Variants in TRIM38 observed in about 807,000 individuals in gnomAD.
TRIM38 encodes the protein tripartite motif containing 38.
TRIM38 carries 35 observed loss-of-function variants against 35.8 expected under a neutral mutation model. The observed-to-expected ratio is 0.98, with a 90% confidence interval of 0.75 to 1.30. TRIM38 has a LOEUF of 1.30. TRIM38 is among the 50% of genes most tolerant of loss of function. The pLI is 0.00. For missense variants in TRIM38, 545 were observed against 556.9 expected (o/e 0.98, Z 0.21); for synonymous variants, 198 against 204.7 (o/e 0.97, Z 0.28).
In TRIM38 at chr6:25,969,434, T is replaced by C. The variant is rs1226625954; in HGVS notation, c.507+14T>C. 6.3e-7 allele frequency: 1 copy of C among 1,593,794 alleles called. No homozygotes were observed. Among genetic ancestry groups the C allele is most frequent in the Non-Finnish European group, 8.6e-7 (1 of 1,167,606 alleles). On this transcript the variant is annotated intron_variant, in intron 4 of 7. Transcript: ENST00000357085. The stretch of plus-strand genomic sequence containing the variant: ...ACTAAATGGAAAGTAAGAATCTGAC[T>C]TCATTGATCTCAAGCTATTTTCCAT...
At position 25,972,008 on chromosome 6, in the gene TRIM38, AG is replaced by A; in HGVS notation, c.649del (p.Ala217LeufsTer5). 6.2e-7 allele frequency: 1 copy of A among 1,614,148 alleles called. No individual in the cohort carries two copies. Among genetic ancestry groups the A allele is most frequent in the Non-Finnish European group, 8.5e-7 (1 of 1,180,016 alleles). ...QQTLSRLRDYEAGLGLKSNEL... is the reference protein window; with the variant it reads ...QQTLSRLRDYXAGLGLKSNEL... Reference sequence around the variant, plus strand: ...ACTCTGAGTAGACTGAGGGACTATGAGGCTGGTCTGGGGCTGAAGAGCAATG... The same window carrying A: ...ACTCTGAGTAGACTGAGGGACTATGAGCTGGTCTGGGGCTGAAGAGCAATG... On this transcript the variant is annotated frameshift_variant, in exon 5 of 8. Coordinates refer to ENST00000357085, the MANE Select transcript of TRIM38 (RefSeq NM_006355.5). LOFTEE classifies it high-confidence loss of function.
At chr6:25,975,588 C>T in intron 7 of TRIM38, 1 of 979,172 alleles carries the variant, frequency 1.0e-6, no homozygotes, top group Non-Finnish European at 1.2e-6. Context: ...GCAGATGCAA[C>T]AAATACATTT....
At chr6:25,983,135 A>G (rs774377118) in intron 7 of TRIM38, 29 bp from the exon 8 acceptor site, 8 of 1,533,604 alleles carry the variant, frequency 5.2e-6, no homozygotes, top group Non-Finnish European at 7.0e-6. Context: ...CAACAAAATT[A>G]TTTTTGTTTG....
intron 3 of TRIM38, 25 bp from the exon 4 acceptor site, chr6:25,969,300 T>A: frequency 6.3e-7 from 1 of 1,593,598 alleles, no homozygotes; most frequent in Non-Finnish European, 8.6e-7. Context: ...TTGAATAGGC[T>A]TCACTTATCA....
chr6:25,990,609 A>T lies in TRIM38; in HGVS notation c.*6922A>T, dbSNP rs1017622569. ...TTGAGCCACCATGCCTCGCTTCTAC[A>T]CTTATTTTTAATTCTAAAATAATTT... On this transcript the variant is annotated 3_prime_UTR_variant, in exon 8 of 8. Transcript: ENST00000357085. 32 of 152,034 alleles carry T rather than the reference A, an allele frequency of 2.1e-4. No homozygotes were observed. The highest frequency in any genetic ancestry group is 7.5e-4 in the African/African-American group (31 of 41,428). The allele number at this position is 152,034 out of a possible 1,614,324, so 9.4% of individuals were successfully genotyped here.
intron 4 of TRIM38, among the ~76,000 whole-genome samples, chr6:25,969,806 C>A (rs1722154249): frequency 6.6e-6 from 1 of 152,188 alleles, no homozygotes; most frequent in Admixed American, 6.5e-5. Flanking sequence ...TGGCTCTCAA[C>A]TTTACAGGTA....
Position 25,984,390 on chromosome 6 carries a change from A to G in TRIM38, c.*703A>G, listed in dbSNP as rs920293312. The G allele has an allele frequency of 1.1e-4, 17 of 152,380 alleles. No individual in the cohort carries two copies. Among genetic ancestry groups the G allele is most frequent in the Non-Finnish European group, 1.9e-4 (13 of 68,050 alleles). 9.4% of individuals were successfully genotyped at this position (152,380 alleles called of 1,614,324 possible). A position where few individuals can be genotyped will look rare whatever the true frequency, so the allele number is the denominator to read the frequency against. Reference sequence around the variant, plus strand: ...GAAATATTTTAAAATCTCAGTAAATAGTTATTGCTGAAATGGCTGTTGGCA... The same window carrying G: ...GAAATATTTTAAAATCTCAGTAAATGGTTATTGCTGAAATGGCTGTTGGCA... On this transcript the variant is annotated 3_prime_UTR_variant, in exon 8 of 8. Coordinates refer to ENST00000357085, the MANE Select transcript of TRIM38 (RefSeq NM_006355.5).
intron 7 of TRIM38, among the ~76,000 whole-genome samples, chr6:25,982,093 T>C (rs898003374): frequency 6.6e-6 from 1 of 152,102 alleles, no homozygotes; most frequent in Non-Finnish European, 1.5e-5. Flanking sequence ...CTGTGCCAAA[T>C]GGTGGAAGGC....
intron 7 of TRIM38, among the ~76,000 whole-genome samples, chr6:25,982,274 A>G (rs1265773660): frequency 6.6e-6 from 1 of 152,198 alleles, no homozygotes; most frequent in Non-Finnish European, 1.5e-5. Context: ...GCAGCAGAGT[A>G]TATTCTACAT....
At chr6:25,977,503 C>T (rs1760430115) in intron 7 of TRIM38, among the ~76,000 whole-genome samples, 1 of 152,128 alleles carries the variant, frequency 6.6e-6, no homozygotes, top group African/African-American at 2.4e-5. Flanking sequence ...AACCCTATCT[C>T]TACTAAAAAT....
chr6:25,980,776 C>T (rs1402982324), intron 7 of TRIM38, among the ~76,000 whole-genome samples: 1 of 152,210 alleles, frequency 6.6e-6, no homozygotes, highest in African/African-American at 2.4e-5. Context: ...AATACTATAA[C>T]AGTATATGAC....
chr6:25,978,962 C>T (rs1760473698), intron 7 of TRIM38, among the ~76,000 whole-genome samples: 1 of 152,228 alleles, frequency 6.6e-6, no homozygotes, highest in East Asian at 1.9e-4. Context: ...GTCACTGTGC[C>T]TGGCCTGATT....
rs1185074347 is a variant in TRIM38 at position 25,990,419 on chromosome 6, C to T, written c.*6732C>T. ...GACTGCCTAGGCTCAAGTCATCCTCCCACCTCAGCCTCCAGAATGGCTGGG... is the reference window on the plus strand; with the variant it reads ...GACTGCCTAGGCTCAAGTCATCCTCTCACCTCAGCCTCCAGAATGGCTGGG... On this transcript the variant is annotated 3_prime_UTR_variant, in exon 8 of 8. Transcript: ENST00000357085. 1.3e-5 allele frequency: 2 copies of T among 152,254 alleles called. No homozygotes were observed. Among genetic ancestry groups the T allele is most frequent in the African/African-American group, 4.8e-5 (2 of 41,438 alleles). The allele number at this position is 152,254 out of a possible 1,614,324, so 9.4% of individuals were successfully genotyped here. A position where few individuals can be genotyped will look rare whatever the true frequency, so the allele number is the denominator to read the frequency against.
intron 2 of TRIM38, among the ~76,000 whole-genome samples, chr6:25,963,574 T>C (rs1387622259): frequency 6.6e-6 from 1 of 152,174 alleles, no homozygotes; most frequent in East Asian, 1.9e-4. Flanking sequence ...TCTCTTGAGA[T>C]AGGTCCTGTC....
intron 7 of TRIM38, chr6:25,974,930 T>C: frequency 2.0e-6 from 2 of 985,412 alleles, no homozygotes; most frequent in African/African-American, 3.5e-5. Context: ...CAAGACTTTG[T>C]GTAAGTTTTG....
chr6:25,975,861 A>G (rs1236001225), intron 7 of TRIM38, among the ~76,000 whole-genome samples: 1 of 152,224 alleles, frequency 6.6e-6, no homozygotes, highest in Non-Finnish European at 1.5e-5. Flanking sequence ...TGTTGCTACA[A>G]TAACTTTCTA....
intron 7 of TRIM38, among the ~76,000 whole-genome samples, chr6:25,981,254 T>A (rs1415780885): frequency 7.2e-5 from 11 of 152,138 alleles, no homozygotes; most frequent in Non-Finnish European, 1.6e-4. Flanking sequence ...TGCCCTATGG[T>A]CTCCTCTGGT....
rs1371011862 is a variant in TRIM38 at position 25,984,673 on chromosome 6, G to T, written c.*986G>T. Reference sequence around the variant, plus strand: ...GCAGGTGGATCACTTGAGGTCAGGAGTTCAACACCAGCCTGGCCAACATGG... The same window carrying T: ...GCAGGTGGATCACTTGAGGTCAGGATTTCAACACCAGCCTGGCCAACATGG... On this transcript the variant is annotated 3_prime_UTR_variant, in exon 8 of 8. Coordinates refer to ENST00000357085, the MANE Select transcript of TRIM38 (RefSeq NM_006355.5). 7.9e-5 allele frequency: 12 copies of T among 152,136 alleles called. No homozygotes were observed. The highest frequency in any genetic ancestry group is 7.9e-4 in the Admixed American group (12 of 15,258). The allele number at this position is 152,136 out of a possible 1,614,324, so 9.4% of individuals were successfully genotyped here.
chr6:25,968,258 G>A lies in TRIM38; in HGVS notation c.412-1067G>A, dbSNP rs533410789. On this transcript the variant is annotated intron_variant, in intron 3 of 7. Transcript: ENST00000357085. ...GCAGCTCTTCCTTAAACTCCATGGAGCAGCTAATAACTGCGATGATCATAT... is the reference window on the plus strand; with the variant it reads ...GCAGCTCTTCCTTAAACTCCATGGAACAGCTAATAACTGCGATGATCATAT... 5.9e-5 allele frequency among the ~76,000 whole-genome samples: 9 copies of A among 152,274 alleles called. 1 individual carries two copies. In the South Asian group the frequency reaches 1.7e-3, roughly 28 times the overall value.
Sources: allele counts gnomAD v4.1 joint callset (sites outside exome capture counted in the v4.1 genomes callset), GRCh38; gene constraint gnomAD v4.1.1; transcripts MANE v1.5; gene names NCBI Gene and HGNC (gene_info 2026-07-23, HGNC 2026-07-21).